PEX13: variants seen among roughly 807,000 people sequenced by gnomAD.
The protein encoded by PEX13 is peroxisome biogenesis factor 13.
Under a neutral mutation model 34.5 loss-of-function variants are expected in PEX13, and 28 were observed. The ratio of observed to expected loss-of-function variants is 0.81; its 90% confidence interval spans 0.60 to 1.11. The LOEUF (loss-of-function observed/expected upper bound fraction) is 1.11. PEX13 is among the 50% of genes most tolerant of loss of function. PEX13 has a pLI of 0.00. For missense variants in PEX13, 550 were observed against 491.0 expected (o/e 1.12, Z -1.13); for synonymous variants, 177 against 175.1 (o/e 1.01, Z -0.09).
At chr2:61,018,307 C>T (rs920488042) in intron 1 of PEX13, 57 of 1,549,290 alleles carry the variant, frequency 3.7e-5, no homozygotes, top group Non-Finnish European at 4.9e-5. Flanking sequence ...AAAGGTTTTA[C>T]GCAACAGGAA....
intron 2 of PEX13, among the ~76,000 whole-genome samples, chr2:61,044,490 A>G (rs973764406): frequency 1.4e-4 from 21 of 152,120 alleles, no homozygotes; most frequent in African/African-American, 4.1e-4. Context: ...GACTCATGCA[A>G]TTTCCCCTGT....
chr2:61,045,963 T>A, intron 3 of PEX13, 112 bp downstream of exon 3: 1 of 921,718 alleles, frequency 1.1e-6, no homozygotes. Context: ...TAGAGATAGT[T>A]ACTAGAACTT....
At position 61,020,997 on chromosome 2, in the gene PEX13, T is replaced by C. The variant is rs551461407; in HGVS notation, c.92+3146T>C. Among the ~76,000 whole-genome samples the C allele has an allele frequency of 9.8e-5, 15 of 152,336 alleles. 1 individual carries two copies. The highest frequency in any genetic ancestry group is 3.4e-3 in the Middle Eastern group (1 of 294). ...TTTATTGTGAAGAAATATTAAATTT[T>C]ATGAATGGCTTTTCTGCATCTGTTG... On this transcript the variant is annotated intron_variant, in intron 1 of 3. Coordinates refer to ENST00000295030, the MANE Select transcript of PEX13 (RefSeq NM_002618.4).
chr2:61,018,464 C>A (rs1210372023), intron 1 of PEX13: 2 of 783,850 alleles, frequency 2.6e-6, no homozygotes, highest in Non-Finnish European at 3.7e-6. Flanking sequence ...TTTTCTGAGG[C>A]CTGTATTTTT....
intron 1 of PEX13, among the ~76,000 whole-genome samples, chr2:61,021,594 A>G (rs1157820047): frequency 6.6e-6 from 1 of 152,236 alleles, no homozygotes; most frequent in Non-Finnish European, 1.5e-5. Context: ...TGGGCAGGGC[A>G]TAGCTGAGCA....
chr2:61,043,652 A>G lies in PEX13; in HGVS notation c.788-2074A>G, dbSNP rs1680662234. Reference sequence around the variant, plus strand: ...TATTCATTGTATTATCAGCAGCCACATTGCAGAAAATATTTGAATTTATCA... The same window carrying G: ...TATTCATTGTATTATCAGCAGCCACGTTGCAGAAAATATTTGAATTTATCA... On this transcript the variant is annotated intron_variant, in intron 2 of 3. Coordinates refer to ENST00000295030, the MANE Select transcript of PEX13 (RefSeq NM_002618.4). 2.6e-5 allele frequency among the ~76,000 whole-genome samples: 4 copies of G among 152,244 alleles called. No individual in the cohort carries two copies. In the South Asian group the frequency reaches 8.3e-4, roughly 32 times the overall value.
chr2:61,025,066 TTTTG>T (rs938033623), intron 1 of PEX13, among the ~76,000 whole-genome samples: 21 of 152,142 alleles, frequency 1.4e-4, no homozygotes, highest in Admixed American at 2.0e-4. Flanking sequence ...AAGTTTCTTT[TTTTG>T]TTTGTTTGTT....
chr2:61,023,963 A>AT (rs1234826413), intron 1 of PEX13, among the ~76,000 whole-genome samples: 1 of 151,792 alleles, frequency 6.6e-6, no homozygotes, highest in African/African-American at 2.4e-5. Context: ...CGCCCAGCTA[A>AT]TTTTTGTATT....
chr2:61,018,023 T>TCTA (rs1486907910), intron 1 of PEX13, 172 bp downstream of exon 1: 9 of 1,396,012 alleles, frequency 6.4e-6, no homozygotes, highest in Non-Finnish European at 8.6e-6. Context: ...GGGACTTTAG[T>TCTA]GTCTCACAGC....
At chr2:61,045,242 TATTTATAATTG>T in intron 2 of PEX13, among the ~76,000 whole-genome samples, 1 of 152,256 alleles carries the variant, frequency 6.6e-6, no homozygotes, top group Admixed American at 6.5e-5. Flanking sequence ...AGCAAGTGAA[TATTTATAATTG>T]ATTTCCAATT....
intron 1 of PEX13, among the ~76,000 whole-genome samples, chr2:61,030,638 A>G (rs1015609662): frequency 4.6e-5 from 7 of 152,260 alleles, no homozygotes; most frequent in African/African-American, 1.4e-4. Context: ...TGAGTTAACA[A>G]TATACCTGGA....
At chr2:61,034,431 C>A (rs1488022057) in intron 2 of PEX13, among the ~76,000 whole-genome samples, 1 of 152,216 alleles carries the variant, frequency 6.6e-6, no homozygotes, top group Non-Finnish European at 1.5e-5. Context: ...AACTGAGGTA[C>A]CTAGTTCATC....
At chr2:61,045,462 A>G (rs556368626) in intron 2 of PEX13, among the ~76,000 whole-genome samples, 36 of 152,320 alleles carry the variant, frequency 2.4e-4, no homozygotes, top group Middle Eastern at 3.4e-3. Flanking sequence ...AATATTAACT[A>G]TCTGACCCTT....
chr2:61,047,783 A>G (rs1680727204), intron 3 of PEX13, among the ~76,000 whole-genome samples: 1 of 152,182 alleles, frequency 6.6e-6, no homozygotes, highest in African/African-American at 2.4e-5. Flanking sequence ...AAAGTCTTAT[A>G]TTGTGCCTAA....
intron 2 of PEX13, among the ~76,000 whole-genome samples, chr2:61,033,867 G>A (rs1054050369): frequency 6.6e-6 from 1 of 152,120 alleles, no homozygotes; most frequent in African/African-American, 2.4e-5. Context: ...GATGAAGGGA[G>A]TAGATGGTAT....
intron 1 of PEX13, among the ~76,000 whole-genome samples, chr2:61,028,975 G>A (rs1680404566): frequency 6.6e-6 from 1 of 152,044 alleles, no homozygotes; most frequent in Non-Finnish European, 1.5e-5. Flanking sequence ...TTGAACCCAG[G>A]TATTTGAGAC....
chr2:61,048,401 TTTTACCA>T (rs1206470144), intron 3 of PEX13, 64 bp from the exon 4 acceptor site: 2 of 1,263,802 alleles, frequency 1.6e-6, no homozygotes, highest in African/African-American at 2.9e-5. Flanking sequence ...GAATGTGATA[TTTTACCA>T]TTACTATTCT....
intron 2 of PEX13, among the ~76,000 whole-genome samples, chr2:61,038,227 AAG>A (rs1680567147): frequency 6.6e-6 from 1 of 152,260 alleles, no homozygotes; most frequent in African/African-American, 2.4e-5. Flanking sequence ...TTAATAGAAA[AAG>A]AGGGAATCCT....
In PEX13 at chr2:61,017,803, G is replaced by C; in HGVS notation, c.44G>C (p.Arg15Pro). The change falls in exon 1 of 4, where the codon CGC becomes CCC. Residue 15 changes from arginine to proline, a missense_variant. Transcript: ENST00000295030. ...PPPPPKPWETRRIPGAGPGPG... is the reference protein window; with the variant it reads ...PPPPPKPWETPRIPGAGPGPG... ...CCTCCCCCCAAACCCTGGGAGACCC[G>C]CCGAATTCCGGGAGCCGGACCGGGA... 1 of 1,550,518 alleles carries C rather than the reference G, an allele frequency of 6.4e-7. No homozygotes were observed. Among genetic ancestry groups the C allele is most frequent in the Middle Eastern group, 1.7e-4 (1 of 5,946 alleles).
Sources: allele counts gnomAD v4.1 joint callset (sites outside exome capture counted in the v4.1 genomes callset), GRCh38; gene constraint gnomAD v4.1.1; transcripts MANE v1.5; gene names NCBI Gene and HGNC (gene_info 2026-07-23, HGNC 2026-07-21).